ASPH: variants seen among roughly 807,000 people sequenced by gnomAD.
ASPH encodes aspartyl/asparaginyl beta-hydroxylase.
ASPH carries 100 observed loss-of-function variants against 118.4 expected under a neutral mutation model. That is an observed-to-expected ratio of 0.84 (90% CI 0.72 to 1.00). ASPH has a LOEUF of 1.00. Ranked by LOEUF, ASPH falls within the 50% of genes least tolerant of loss-of-function variation. The probability of loss-of-function intolerance (pLI) is 0.00; values close to 1 mark genes in which losing one functional copy is unlikely to be tolerated. For missense variants in ASPH, 920 were observed against 919.5 expected (o/e 1.00, Z -0.01); for synonymous variants, 315 against 325.6 (o/e 0.97, Z 0.35).
chr8:61,666,125 A>G (rs1014287750), intron 3 of ASPH, among the ~76,000 whole-genome samples: 1 of 152,206 alleles, frequency 6.6e-6, no homozygotes, highest in African/African-American at 2.4e-5. Context: ...CTAGGAAAAA[A>G]TTGTCATGTG....
intron 13 of ASPH, 22 bp from the exon 14 acceptor site, chr8:61,619,041 T>C (rs1310716566): frequency 6.5e-7 from 1 of 1,541,622 alleles, no homozygotes; most frequent in East Asian, 2.3e-5. Context: ...AGACAAAACA[T>C]AGTAAGTACT....
chr8:61,671,171 G>A (rs931520276), intron 3 of ASPH, among the ~76,000 whole-genome samples: 6 of 152,170 alleles, frequency 3.9e-5, no homozygotes, highest in African/African-American at 1.2e-4. Context: ...AAACCACAAG[G>A]CAGGTACGAA....
intron 13 of ASPH, chr8:61,624,202 C>T: frequency 1.0e-6 from 1 of 965,586 alleles, no homozygotes; most frequent in Non-Finnish European, 1.2e-6. Flanking sequence ...ATTTATACAT[C>T]TATTATATAC....
At chr8:61,661,087 T>TAAGA (rs1816662668) in intron 3 of ASPH, 1 of 152,232 alleles carries the variant, frequency 6.6e-6, no homozygotes, top group African/African-American at 2.4e-5. Context: ...TAAGCATTCT[T>TAAGA]ACGGCTTCAC....
At chr8:61,527,186 A>G (rs189269064) in intron 21 of ASPH, among the ~76,000 whole-genome samples, 50 of 152,348 alleles carry the variant, frequency 3.3e-4, no homozygotes, top group Admixed American at 2.4e-3. Flanking sequence ...TTATGGAAAA[A>G]TGGAAAACCA....
At chr8:61,649,198 A>G (rs1809630063) in intron 5 of ASPH, among the ~76,000 whole-genome samples, 1 of 152,218 alleles carries the variant, frequency 6.6e-6, no homozygotes, top group Admixed American at 6.5e-5. Context: ...AGCCAAAATC[A>G]GTGCTGGGGC....
At chr8:61,611,038 G>T (rs531362684) in intron 14 of ASPH, among the ~76,000 whole-genome samples, 1 of 152,286 alleles carries the variant, frequency 6.6e-6, no homozygotes, top group East Asian at 1.9e-4. Context: ...AATTTTTAAA[G>T]GAAAGGACCA....
At chr8:61,519,004 G>A (rs898187403) in intron 22 of ASPH, among the ~76,000 whole-genome samples, 10 of 152,160 alleles carry the variant, frequency 6.6e-5, no homozygotes, top group African/African-American at 2.2e-4. Flanking sequence ...AGTATCACAT[G>A]GTATTTTAAG....
Position 61,501,343 on chromosome 8 carries a change from A to G in ASPH, c.*2016T>C, listed in dbSNP as rs1240459500. ...ACTTTGCAACAGTAATACCATTTCT[A>G]GCTTTTCAATTGGCAATACTTAGAA... On this transcript the variant is annotated 3_prime_UTR_variant, in exon 25 of 25. Coordinates refer to ENST00000379454, the MANE Select transcript of ASPH (RefSeq NM_004318.4). 1.3e-5 allele frequency: 2 copies of G among 152,170 alleles called. No homozygotes were observed. The highest frequency in any genetic ancestry group is 4.8e-5 in the African/African-American group (2 of 41,456). The allele number at this position is 152,170 out of a possible 1,614,324, so 9.4% of individuals were successfully genotyped here.
chr8:61,653,798 G>A, intron 3 of ASPH, 138 bp from the exon 4 acceptor site: 2 of 865,590 alleles, frequency 2.3e-6, no homozygotes, highest in Non-Finnish European at 3.4e-6. Context: ...TGCTTAAAAA[G>A]TGAGGTAGGA....
At chr8:61,610,866 T>G (rs1847109831) in intron 14 of ASPH, among the ~76,000 whole-genome samples, 1 of 152,118 alleles carries the variant, frequency 6.6e-6, no homozygotes. Context: ...CAAAGACAGA[T>G]CTAACTAGGC....
Position 61,675,312 on chromosome 8 carries a change from C to T in ASPH, c.322+5656G>A, listed in dbSNP as rs1007080957. The T allele has an allele frequency of 7.7e-6, 7 of 914,248 alleles. No homozygotes were observed. The African/African-American group carries it at 1.3e-4, about 16-fold the overall frequency. The allele number at this position is 914,248 out of a possible 1,614,324, so 56.6% of individuals were successfully genotyped here. On this transcript the variant is annotated intron_variant, in intron 3 of 24. Transcript: ENST00000379454. ...ACATTAAGATACATATTCACATGTT[C>T]CCTCTTGTGTAATATGCCTACTTTA... is the stretch of plus-strand genomic sequence containing the variant.
At chr8:61,632,964 G>A (rs1008892648) in intron 13 of ASPH, among the ~76,000 whole-genome samples, 1 of 152,126 alleles carries the variant, frequency 6.6e-6, no homozygotes, top group Non-Finnish European at 1.5e-5. Context: ...ATACACTTGG[G>A]AAAGAGGTAG....
At chr8:61,523,320 C>CTTTCTTTCT (rs1554604245) in intron 22 of ASPH, among the ~76,000 whole-genome samples, 3 of 118,232 alleles carry the variant, frequency 2.5e-5, no homozygotes, top group South Asian at 2.5e-4. Flanking sequence ...TTCTTTCTTT[C>CTTTCTTTCT]TTTTTTTTTT....
At position 61,544,332 on chromosome 8, in the gene ASPH, G is replaced by A. The variant is rs79739177; in HGVS notation, c.1764+3739C>T. The stretch of plus-strand genomic sequence containing the variant: ...AACAATTTTTCTCAGTGCTTTTGTG[G>A]AGGGGTAGATTTATGAAGACATTCC... On this transcript the variant is annotated intron_variant, in intron 21 of 24. Coordinates refer to ENST00000379454, the MANE Select transcript of ASPH (RefSeq NM_004318.4). Among the ~76,000 whole-genome samples the A allele has an allele frequency of 5.9e-3, 895 of 152,280 alleles. 4 individuals are homozygous for A. Among genetic ancestry groups the A allele is most frequent in the Admixed American group, 9.5e-3 (145 of 15,280 alleles).
chr8:61,566,516 C>G (rs894782790), intron 17 of ASPH, among the ~76,000 whole-genome samples: 2 of 152,194 alleles, frequency 1.3e-5, no homozygotes, highest in Admixed American at 6.5e-5. Flanking sequence ...AAGGCAGTGG[C>G]AGGGTTTGAG....
At chr8:61,705,436 G>T (rs2151896089) in intron 1 of ASPH, among the ~76,000 whole-genome samples, 1 of 152,196 alleles carries the variant, frequency 6.6e-6, no homozygotes, top group Middle Eastern at 3.4e-3. Flanking sequence ...TCAGACACTG[G>T]AATACTATTT....
chr8:61,705,779 G>GA (rs759510568), intron 1 of ASPH, among the ~76,000 whole-genome samples: 32 of 149,710 alleles, frequency 2.1e-4, no homozygotes, highest in Non-Finnish European at 3.6e-4. Flanking sequence ...ACCTCAGAGG[G>GA]AAAAAAAAAC....
chr8:61,515,700 T>C (rs1172012082), intron 24 of ASPH, among the ~76,000 whole-genome samples: 1 of 152,166 alleles, frequency 6.6e-6, no homozygotes, highest in African/African-American at 2.4e-5. Flanking sequence ...TCATCTTCCT[T>C]TCCTTGAACT....
Sources: gnomAD v4.1 joint callset for allele counts (sites outside exome capture counted in the v4.1 genomes callset) on GRCh38, gnomAD v4.1.1 for gene constraint, MANE v1.5 for transcripts, NCBI Gene and HGNC (gene_info 2026-07-23, HGNC 2026-07-21) for gene names.